GPR158: variants seen among roughly 807,000 people sequenced by gnomAD.
GPR158 encodes the protein metabotropic glycine receptor.
A neutral mutation model predicts 78.2 loss-of-function variants in GPR158; 30 were observed. The ratio of observed to expected loss-of-function variants is 0.38; its 90% CI spans 0.29 to 0.52. GPR158 has a LOEUF of 0.52. GPR158 is among the 20% of genes least tolerant of loss of function. GPR158 has a pLI of 0.83. For synonymous variants in GPR158, 581 were observed against 591.1 expected (o/e 0.98, Z 0.25); for missense variants, 1,463 against 1,523.5 (o/e 0.96, Z 0.66).
chr10:25,372,088 C>T (rs1192395785), intron 2 of GPR158, among the ~76,000 whole-genome samples: 1 of 61,640 alleles, frequency 1.6e-5, no homozygotes, highest in Non-Finnish European at 4.1e-5. Flanking sequence ...TTTATGCAGC[C>T]AAAAAACACA....
intron 5 of GPR158, among the ~76,000 whole-genome samples, chr10:25,503,036 T>A (rs1835962470): frequency 6.6e-6 from 1 of 152,094 alleles, no homozygotes; most frequent in Non-Finnish European, 1.5e-5. Context: ...AAATCATGAG[T>A]GTAACTTTAT....
intron 4 of GPR158, among the ~76,000 whole-genome samples, chr10:25,464,950 G>A (rs1055639780): frequency 8.5e-5 from 13 of 152,212 alleles, no homozygotes; most frequent in African/African-American, 3.1e-4. Context: ...ATGACCAATA[G>A]CAAGAAGCCA....
intron 5 of GPR158, among the ~76,000 whole-genome samples, chr10:25,501,289 C>T (rs937269863): frequency 2.0e-5 from 3 of 152,306 alleles, no homozygotes; most frequent in Non-Finnish European, 4.4e-5. Flanking sequence ...TCCTTCTACT[C>T]GCTCATCCTT....
intron 5 of GPR158, among the ~76,000 whole-genome samples, chr10:25,471,888 A>G (rs1211802126): frequency 6.6e-6 from 1 of 152,096 alleles, no homozygotes; most frequent in Non-Finnish European, 1.5e-5. Context: ...GTAGGTTGCG[A>G]AAATTTTCTC....
At chr10:25,227,288 T>TG (rs1289329021) in intron 2 of GPR158, among the ~76,000 whole-genome samples, 1 of 152,204 alleles carries the variant, frequency 6.6e-6, no homozygotes, top group Non-Finnish European at 1.5e-5. Flanking sequence ...ATCTTGTGGT[T>TG]GGGGGAAAGA....
intron 2 of GPR158, among the ~76,000 whole-genome samples, chr10:25,388,606 C>T (rs1454687301): frequency 6.6e-6 from 1 of 152,228 alleles, no homozygotes; most frequent in African/African-American, 2.4e-5. Flanking sequence ...GGCCAGGTCA[C>T]CTGCTGGTGG....
chr10:25,498,903 C>A (rs187532659), intron 5 of GPR158, among the ~76,000 whole-genome samples: 1 of 152,110 alleles, frequency 6.6e-6, no homozygotes, highest in African/African-American at 2.4e-5. Context: ...GAGACTGGAG[C>A]GCAATGACTC....
At chr10:25,292,369 G>A (rs73608258) in intron 2 of GPR158, among the ~76,000 whole-genome samples, 1 of 151,888 alleles carries the variant, frequency 6.6e-6, no homozygotes, top group Non-Finnish European at 1.5e-5. Flanking sequence ...TGAGCTGGTT[G>A]CTCCTTTTCT....
At chr10:25,345,693 TAATATTG>T in intron 2 of GPR158, among the ~76,000 whole-genome samples, 1 of 151,966 alleles carries the variant, frequency 6.6e-6, no homozygotes. Context: ...ATCTGCTGGC[TAATATTG>T]ACTTTCATCG....
chr10:25,580,290 T>A (rs969759962), intron 7 of GPR158, among the ~76,000 whole-genome samples: 1 of 152,232 alleles, frequency 6.6e-6, no homozygotes, highest in East Asian at 1.9e-4. Context: ...ATTGCCACTA[T>A]AGAAAATACA....
chr10:25,324,000 G>C (rs1315838698), intron 2 of GPR158, among the ~76,000 whole-genome samples: 2 of 152,216 alleles, frequency 1.3e-5, no homozygotes, highest in Non-Finnish European at 2.9e-5. Context: ...GAATTGAAGA[G>C]AGTTAGGGCC....
intron 5 of GPR158, among the ~76,000 whole-genome samples, chr10:25,510,570 A>G (rs1462916145): frequency 2.0e-5 from 3 of 152,080 alleles, no homozygotes; most frequent in East Asian, 1.9e-4. Flanking sequence ...TTTTATTTCA[A>G]TAGTTTTTTG....
intron 3 of GPR158, among the ~76,000 whole-genome samples, chr10:25,396,889 G>A (rs1346259950): frequency 6.6e-6 from 1 of 152,186 alleles, no homozygotes; most frequent in Non-Finnish European, 1.5e-5. Flanking sequence ...GAAGAATTCA[G>A]TTCCTTGCAT....
At chr10:25,552,657 G>A (rs949515114) in intron 6 of GPR158, among the ~76,000 whole-genome samples, 13 of 152,158 alleles carry the variant, frequency 8.5e-5, no homozygotes, top group African/African-American at 2.4e-4. Context: ...TAATACATAT[G>A]AGTAGATGAG....
intron 2 of GPR158, among the ~76,000 whole-genome samples, chr10:25,241,259 C>T (rs200010405): frequency 0.059 from 5,729 of 97,214 alleles, 487 homozygotes; most frequent in Non-Finnish European, 0.079. Context: ...CCTTTCTTTC[C>T]TTTCTTTCTT....
At chr10:25,206,776 A>T (rs1283138932) in intron 1 of GPR158, among the ~76,000 whole-genome samples, 1 of 151,966 alleles carries the variant, frequency 6.6e-6, no homozygotes, top group African/African-American at 2.4e-5. Flanking sequence ...TCTGATGGTT[A>T]AATAATTTAC....
intron 5 of GPR158, among the ~76,000 whole-genome samples, chr10:25,485,147 A>G (rs917605138): frequency 1.3e-5 from 2 of 152,128 alleles, no homozygotes; most frequent in Non-Finnish European, 2.9e-5. Context: ...GAGTTCAGCA[A>G]TGTGTCCTGA....
intron 4 of GPR158, among the ~76,000 whole-genome samples, chr10:25,428,731 T>C (rs73608294): frequency 0.011 from 1,688 of 152,150 alleles, 31 homozygotes; most frequent in African/African-American, 0.039. Context: ...TTTGTCCTTA[T>C]GGGGGTAAGA....
chr10:25,481,977 G>C (rs576505315), intron 5 of GPR158, among the ~76,000 whole-genome samples: 159 of 152,268 alleles, frequency 1.0e-3, no homozygotes, highest in African/African-American at 3.7e-3. Context: ...GAAATCACAT[G>C]GAGCCTCAGA....
Sources: gnomAD v4.1 joint callset for allele counts (sites outside exome capture counted in the v4.1 genomes callset) on GRCh38, gnomAD v4.1.1 for gene constraint, MANE v1.5 for transcripts, NCBI Gene and HGNC (gene_info 2026-07-23, HGNC 2026-07-21) for gene names.